The following MRPS21 variants were observed in gnomAD, a reference collection of about 807,000 sequenced individuals.
MRPS21 encodes mitochondrial ribosomal protein S21, also known as small ribosomal subunit protein bS21m.
MRPS21 carries 8 observed loss-of-function variants against 9.9 expected under a neutral mutation model. The ratio of observed to expected loss-of-function variants is 0.81; its 90% CI spans 0.47 to 1.45. MRPS21 has a LOEUF of 1.45. Ranked by LOEUF, MRPS21 falls within the 40% of genes most tolerant of loss-of-function variation. The pLI, the probability that MRPS21 is intolerant of heterozygous loss-of-function variation, is 0.00. For missense variants in MRPS21, 101 were observed against 118.9 expected, an observed-to-expected ratio of 0.85 and a Z score of 0.70; for synonymous variants, 40 against 40.3, an observed-to-expected ratio of 0.99 and a Z score of 0.03.
In MRPS21 at chr1:150,293,888, G is replaced by C. The variant is rs1328176594; in HGVS notation, c.-43G>C. 5.9e-6 allele frequency: 1 copy of C among 170,458 alleles called. No homozygotes were observed. The highest frequency in any genetic ancestry group is 1.6e-4 in the East Asian group (1 of 6,438). 10.6% of individuals were successfully genotyped at this position (170,458 alleles called of 1,614,324 possible). A position where few individuals can be genotyped will look rare whatever the true frequency, so the allele number is the denominator to read the frequency against. On this transcript the variant is annotated 5_prime_UTR_variant, in exon 1 of 3. Coordinates refer to ENST00000614145, the MANE Select transcript of MRPS21 (RefSeq NM_031901.6). ...GAACCCTTCCGGTGGGCTAGGTACT[G>C]AGCGCGCGAGGTGAGGAGTTGTGCA...
At chr1:150,307,784 T>TGCCG (rs1234544508) in intron 2 of MRPS21, among the ~76,000 whole-genome samples, 1 of 152,102 alleles carries the variant, frequency 6.6e-6, no homozygotes, top group Admixed American at 6.6e-5. Flanking sequence ...TTTGCCATGT[T>TGCCG]GCCTAGGCTG....
At chr1:150,296,647 CAAGT>C (rs1280524299) in intron 2 of MRPS21, among the ~76,000 whole-genome samples, 2 of 152,138 alleles carry the variant, frequency 1.3e-5, no homozygotes, top group African/African-American at 2.4e-5. Flanking sequence ...CTTTATTTCA[CAAGT>C]AAGGGAAGCC....
chr1:150,299,077 A>G (rs12059287), intron 2 of MRPS21, among the ~76,000 whole-genome samples: 2,353 of 152,228 alleles, frequency 0.015, 67 homozygotes, highest in African/African-American at 0.051. Flanking sequence ...TTAGCCATGC[A>G]TGGTGGCACA....
At chr1:150,307,192 C>T (rs1048167250) in intron 2 of MRPS21, among the ~76,000 whole-genome samples, 4 of 150,908 alleles carry the variant, frequency 2.7e-5, no homozygotes, top group African/African-American at 9.8e-5. Flanking sequence ...GGACTATAGG[C>T]GCCCGCCATC....
intron 2 of MRPS21, chr1:150,304,311 C>CCA: frequency 5.5e-6 from 1 of 181,476 alleles, no homozygotes; most frequent in Non-Finnish European, 1.2e-5. Context: ...GCCCTGCCTA[C>CCA]AAAAAAAAAA....
intron 2 of MRPS21, among the ~76,000 whole-genome samples, chr1:150,300,718 A>G (rs968748363): frequency 1.3e-5 from 2 of 152,164 alleles, no homozygotes; most frequent in Admixed American, 6.6e-5. Context: ...AGATGCATCA[A>G]ATTTGTCCAG....
intron 2 of MRPS21, among the ~76,000 whole-genome samples, chr1:150,307,348 CTTTTT>C (rs1572154026): frequency 2.3e-5 from 2 of 87,552 alleles, no homozygotes; most frequent in Admixed American, 1.4e-4. Flanking sequence ...GTGCCCAGTC[CTTTTT>C]TTTTTTTTTT....
chr1:150,294,260 A>C, intron 1 of MRPS21, 75 bp from the exon 2 acceptor site: 3 of 988,992 alleles, frequency 3.0e-6, no homozygotes, highest in Non-Finnish European at 4.7e-6. Flanking sequence ...AATCCTAAAT[A>C]AGCCGCGCGG....
Position 150,294,323 on chromosome 1 carries a change from A to G in MRPS21, c.-32-12A>G, listed in dbSNP as rs1553856161. The G allele has an allele frequency of 6.5e-7, 1 of 1,540,132 alleles. No homozygotes were observed. Among genetic ancestry groups the G allele is most frequent in the Non-Finnish European group, 9.0e-7 (1 of 1,114,892 alleles). ...TTTCTGCTTTCCTCGCCCTTTCTCC[A>G]TCATCCTTTAGGCTCTACAGAGTGA... On this transcript the variant is annotated splice_polypyrimidine_tract_variant and intron_variant, in intron 1 of 2. Transcript: ENST00000614145.
chr1:150,297,821 T>C (rs1381507327), intron 2 of MRPS21, among the ~76,000 whole-genome samples: 2 of 152,214 alleles, frequency 1.3e-5, no homozygotes, highest in African/African-American at 4.8e-5. Flanking sequence ...TTTTTCTCTG[T>C]TTCTCCTCAT....
chr1:150,304,074 G>A (rs1389365575), intron 2 of MRPS21: 3 of 379,876 alleles, frequency 7.9e-6, no homozygotes, highest in African/African-American at 2.1e-5. Flanking sequence ...ACTTTGGGAG[G>A]CCGAGGTGGG....
chr1:150,307,348 C>CATTTTTTTTTTTTTT (rs1654376892), intron 2 of MRPS21, among the ~76,000 whole-genome samples: 1 of 87,552 alleles, frequency 1.1e-5, no homozygotes, highest in Non-Finnish European at 2.2e-5. Context: ...GTGCCCAGTC[C>CATTTTTTTTTTTTTT]TTTTTTTTTT....
intron 1 of MRPS21, 39 bp from the exon 2 acceptor site, chr1:150,294,296 T>G (rs1294071725): frequency 7.1e-7 from 1 of 1,404,784 alleles, no homozygotes; most frequent in Non-Finnish European, 1.0e-6. Flanking sequence ...GTTGCGTTTC[T>G]CTTTCTGCTT....
chr1:150,296,064 G>A (rs1553856524), intron 2 of MRPS21, among the ~76,000 whole-genome samples: 1 of 151,294 alleles, frequency 6.6e-6, no homozygotes, highest in African/African-American at 2.4e-5. Context: ...TGACTCTTCT[G>A]CCTCAGTCTC....
At chr1:150,301,675 G>A (rs1373050068) in intron 2 of MRPS21, among the ~76,000 whole-genome samples, 2 of 149,692 alleles carry the variant, frequency 1.3e-5, no homozygotes, top group Admixed American at 6.7e-5. Flanking sequence ...GCGTGGTCTC[G>A]CCTCACTGCA....
intron 2 of MRPS21, among the ~76,000 whole-genome samples, chr1:150,305,699 A>G (rs1159064041): frequency 1.3e-5 from 2 of 152,086 alleles, no homozygotes; most frequent in South Asian, 2.1e-4. Context: ...GGTTCAAGCT[A>G]TTCTCCTGCC....
intron 2 of MRPS21, chr1:150,303,979 A>G (rs1445032087): frequency 1.1e-5 from 5 of 454,194 alleles, no homozygotes; most frequent in Admixed American, 2.4e-5. Flanking sequence ...ACACAACCCA[A>G]TGAGGGGTTC....
chr1:150,304,871 C>T (rs142992704), intron 2 of MRPS21: 3,155 of 244,546 alleles, frequency 0.013, 132 homozygotes, highest in African/African-American at 0.071. Flanking sequence ...GCCAACATGG[C>T]GAAACCTTAT....
At position 150,308,233 on chromosome 1, in the gene MRPS21, T is replaced by C; in HGVS notation, c.*5T>C. Reference sequence around the variant, plus strand: ...GATCCGTGGCAGGGCTGCTGAGGCCTGTGGGTGGGACACCCAGTGCGAAAC... The same window carrying C: ...GATCCGTGGCAGGGCTGCTGAGGCCCGTGGGTGGGACACCCAGTGCGAAAC... On this transcript the variant is annotated 3_prime_UTR_variant, in exon 3 of 3. Transcript: ENST00000614145. The C allele has an allele frequency of 1.9e-6, 3 of 1,584,224 alleles. No homozygotes were observed. Among genetic ancestry groups the C allele is most frequent in the Non-Finnish European group, 2.6e-6 (3 of 1,155,432 alleles).
Sources: gnomAD v4.1 joint callset for allele counts (sites outside exome capture counted in the v4.1 genomes callset) on GRCh38, gnomAD v4.1.1 for gene constraint, MANE v1.5 for transcripts, NCBI Gene and HGNC (gene_info 2026-07-23, HGNC 2026-07-21) for gene names.